ATP6V1B1: variants seen among roughly 807,000 people sequenced by gnomAD.
ATP6V1B1 encodes ATPase H+ transporting V1 subunit B1.
A neutral mutation model predicts 62.1 loss-of-function variants in ATP6V1B1; 41 were observed. The observed-to-expected ratio is 0.66, with a 90% CI of 0.51 to 0.86. The LOEUF (loss-of-function observed/expected upper bound fraction) is 0.86. ATP6V1B1 is among the 40% of genes least tolerant of loss of function. The probability of loss-of-function intolerance (pLI) is 0.00; values close to 1 mark genes in which losing one functional copy is unlikely to be tolerated. For missense variants in ATP6V1B1, 651 were observed against 697.5 expected, an observed-to-expected ratio of 0.93 and a Z score of 0.75; for synonymous variants, 253 against 273.4, an observed-to-expected ratio of 0.93 and a Z score of 0.74.
At position 70,961,033 on chromosome 2, in the gene ATP6V1B1, T is replaced by C; in HGVS notation, c.687+11T>C. The C allele has an allele frequency of 6.4e-7, 1 of 1,567,650 alleles. No homozygotes were observed. The highest frequency in any genetic ancestry group is 8.7e-7 in the Non-Finnish European group (1 of 1,155,760). ...TTTGCAGCCATGGGGGTGAGGAGAC[T>C]TAGTAGACTGGCAAGTTCTGGAGGC... On this transcript the variant is annotated intron_variant, in intron 7 of 13. Transcript: ENST00000234396.
At chr2:70,958,271 A>G in intron 3 of ATP6V1B1, 62 bp from the exon 4 acceptor site, 1 of 1,601,246 alleles carries the variant, frequency 6.2e-7, no homozygotes, top group Non-Finnish European at 8.6e-7. Flanking sequence ...AGTGCCCAGA[A>G]TGGGTAGCCC....
chr2:70,954,097 T>C (rs543243342), intron 2 of ATP6V1B1, among the ~76,000 whole-genome samples: 1 of 152,326 alleles, frequency 6.6e-6, no homozygotes, highest in African/African-American at 2.4e-5. Flanking sequence ...GTTGGTCTTC[T>C]CTATTCTATA....
chr2:70,957,092 T>C (rs1262656846), intron 2 of ATP6V1B1, among the ~76,000 whole-genome samples: 18 of 141,872 alleles, frequency 1.3e-4, no homozygotes, highest in African/African-American at 4.4e-4. Context: ...TTCTTCTTTT[T>C]TTTTTTTTTT....
chr2:70,964,387 G>T (rs1680665744), intron 11 of ATP6V1B1, 51 bp from the exon 12 acceptor site: 1 of 1,586,050 alleles, frequency 6.3e-7, no homozygotes, highest in Admixed American at 1.7e-5. Context: ...GGGACAGGGG[G>T]AGCAAAGCTT....
At chr2:70,940,589 G>A (rs1285895232) in intron 1 of ATP6V1B1, 8 of 985,276 alleles carry the variant, frequency 8.1e-6, no homozygotes, top group Non-Finnish European at 9.6e-6. Context: ...TTAATTGATG[G>A]GAAGGGTAAT....
Position 70,958,440 on chromosome 2 carries a change from A to G in ATP6V1B1, c.367+14A>G. ...AGGACATGCTGGGTGAGGGACAGGGAGGGGCAGGGGTGGGGGTGCTCCTCT... is the reference window on the plus strand; with the variant it reads ...AGGACATGCTGGGTGAGGGACAGGGGGGGGCAGGGGTGGGGGTGCTCCTCT... On this transcript the variant is annotated intron_variant, in intron 4 of 13. Transcript: ENST00000234396. 1.7e-4 allele frequency: 143 copies of G among 854,052 alleles called. No individual in the cohort carries two copies. The highest frequency in any genetic ancestry group is 2.4e-4 in the Non-Finnish European group (131 of 539,590). 52.9% of individuals were successfully genotyped at this position (854,052 alleles called of 1,614,324 possible). A position where few individuals can be genotyped will look rare whatever the true frequency, so the allele number is the denominator to read the frequency against.
At position 70,965,374 on chromosome 2, in the gene ATP6V1B1, T is replaced by C. The variant is rs1680702004; in HGVS notation, c.*253T>C. ...GATGCCTTACTCTGACGGGAGCATC[T>C]GTATTTTTATGTTAAAAGCCCACAA... is the stretch of plus-strand genomic sequence containing the variant. On this transcript the variant is annotated 3_prime_UTR_variant, in exon 14 of 14. Transcript: ENST00000234396. 1.7e-6 allele frequency: 1 copy of C among 575,182 alleles called. No individual in the cohort carries two copies. The highest frequency in any genetic ancestry group is 3.1e-6 in the Non-Finnish European group (1 of 323,606). The allele number at this position is 575,182 out of a possible 1,614,324, so 35.6% of individuals were successfully genotyped here.
At chr2:70,940,923 T>C in intron 1 of ATP6V1B1, 2 of 911,152 alleles carry the variant, frequency 2.2e-6, no homozygotes, top group Non-Finnish European at 2.6e-6. Context: ...CTTTTTTTTT[T>C]TTTTTTTTGA....
chr2:70,947,506 C>T (rs1476787363), intron 2 of ATP6V1B1: 4 of 152,176 alleles, frequency 2.6e-5, no homozygotes, highest in Non-Finnish European at 5.9e-5. Context: ...AAATTGGTCC[C>T]TGTTTGAGAA....
intron 1 of ATP6V1B1, chr2:70,938,533 C>CG: frequency 7.1e-6 from 7 of 985,038 alleles, no homozygotes; most frequent in Non-Finnish European, 8.4e-6. Context: ...TCCCCTCCCC[C>CG]GGGGGAGGTG....
At chr2:70,940,786 G>A in intron 1 of ATP6V1B1, 1 of 985,530 alleles carries the variant, frequency 1.0e-6, no homozygotes, top group Non-Finnish European at 1.2e-6. Context: ...GGGAAGGTCG[G>A]GAGGGGGCAC....
chr2:70,962,834 C>A lies in ATP6V1B1; in HGVS notation c.843C>A (p.Tyr281Ter). 1 of 1,614,196 alleles carries A rather than the reference C, an allele frequency of 6.2e-7. No homozygotes were observed. ...LALTTAEFLAYQCEKHVLVIL... is the reference protein window; with the variant it reads ...LALTTAEFLA ...TGACCACTGCTGAATTCCTTGCCTA[C>A]CAGTGTGAGAAGCATGTGCTGGTCA... is the stretch of plus-strand genomic sequence containing the variant. Residue 281 changes from tyrosine (Y) to a stop codon, truncating the protein, a stop_gained, in exon 9 of 14, where the codon TAC becomes TAA. Coordinates refer to ENST00000234396, the MANE Select transcript of ATP6V1B1 (RefSeq NM_001692.4). LOFTEE classifies it high-confidence loss of function.
Position 70,963,416 on chromosome 2 carries a change from CT to C in ATP6V1B1, c.1060+108del, listed in dbSNP as rs1680638302. The stretch of plus-strand genomic sequence containing the variant: ...TGCTTTGCACAGATGTGCAGCAGCG[CT>C]TTTCCTCCATCGAGATAGACACTGC... On this transcript the variant is annotated intron_variant, in intron 10 of 13. Transcript: ENST00000234396. The surrounding 1 kb of genome is among the most constrained non-coding windows in gnomAD (Gnocchi z 4.3). 2 of 1,569,410 alleles carry C rather than the reference CT, an allele frequency of 1.3e-6. No individual in the cohort carries two copies. The highest frequency in any genetic ancestry group is 1.7e-5 in the Admixed American group (1 of 58,728).
intron 2 of ATP6V1B1, among the ~76,000 whole-genome samples, chr2:70,949,076 G>C (rs1392847335): frequency 6.6e-6 from 1 of 152,148 alleles, no homozygotes; most frequent in Non-Finnish European, 1.5e-5. Flanking sequence ...TTGTAACTTA[G>C]TGAAAAAGAG....
intron 1 of ATP6V1B1, 56 bp downstream of exon 1, chr2:70,936,128 TG>T: frequency 6.4e-7 from 1 of 1,558,146 alleles, no homozygotes; most frequent in Non-Finnish European, 8.8e-7. Context: ...TGGGGTGGGC[TG>T]CCAGGTTCCC....
In ATP6V1B1 at chr2:70,965,212, G is replaced by GCGCCGCC. The variant is rs1380976524; in HGVS notation, c.*93_*99dup. 8.1e-5 allele frequency: 127 copies of GCGCCGCC among 1,559,640 alleles called. 1 individual carries two copies. The African/African-American group carries it at 1.4e-3, about 18-fold the overall frequency. ...CTCGCCACCCCAACCAGCGGCTTCT[G>GCGCCGCC]CGCCGCCCTCCGCCCTCCGCTGGCT... On this transcript the variant is annotated 3_prime_UTR_variant, in exon 14 of 14. Coordinates refer to ENST00000234396, the MANE Select transcript of ATP6V1B1 (RefSeq NM_001692.4).
At chr2:70,937,221 A>G (rs1208596697) in intron 1 of ATP6V1B1, among the ~76,000 whole-genome samples, 1 of 152,136 alleles carries the variant, frequency 6.6e-6, no homozygotes, top group Non-Finnish European at 1.5e-5. Context: ...AGTGAGCCTG[A>G]TGCAGCCACC....
At chr2:70,960,455 T>C (rs1236684991) in intron 6 of ATP6V1B1, among the ~76,000 whole-genome samples, 1 of 152,194 alleles carries the variant, frequency 6.6e-6, no homozygotes, top group Admixed American at 6.5e-5. Flanking sequence ...ACAAGGTCTC[T>C]AGATGCTCCT....
At chr2:70,952,437 TG>T in intron 2 of ATP6V1B1, among the ~76,000 whole-genome samples, 1 of 149,850 alleles carries the variant, frequency 6.7e-6, no homozygotes, top group South Asian at 2.1e-4. Flanking sequence ...CATTCCAGCC[TG>T]GGGGACAGAG....
Sources: gnomAD v4.1 joint callset for allele counts (sites outside exome capture counted in the v4.1 genomes callset) on GRCh38, gnomAD v4.1.1 for gene constraint, Gnocchi (gnomAD v3.1) non-coding constraint, MANE v1.5 for transcripts, NCBI Gene and HGNC (gene_info 2026-07-23, HGNC 2026-07-21) for gene names.